COMMD10: variants seen among roughly 807,000 people sequenced by gnomAD.
COMMD10 encodes COMM domain-containing protein 10.
In COMMD10, 33 loss-of-function variants were observed where a neutral mutation model predicts 28.9. The observed-to-expected ratio is 1.14, with a 90% CI of 0.87 to 1.53. COMMD10 has a LOEUF of 1.53. Among genes scored for constraint, COMMD10 ranks in the 40% most tolerant of loss-of-function variants. The pLI is 0.00. For missense variants in COMMD10, 310 were observed against 233.4 expected (o/e 1.33, Z -2.14); for synonymous variants, 110 against 81.7 (o/e 1.35, Z -1.87).
chr5:116,259,214 C>T (rs901112407), intron 5 of COMMD10, among the ~76,000 whole-genome samples: 1 of 151,600 alleles, frequency 6.6e-6, no homozygotes, highest in African/African-American at 2.4e-5. Flanking sequence ...AGGTGCACGC[C>T]ACCATGCCTG....
intron 5 of COMMD10, among the ~76,000 whole-genome samples, chr5:116,261,312 G>C (rs1281095713): frequency 6.6e-6 from 1 of 151,650 alleles, no homozygotes; most frequent in Non-Finnish European, 1.5e-5. Context: ...AATTGTAGAT[G>C]TGACCGTTGC....
At chr5:116,153,778 A>T (rs971593326) in intron 5 of COMMD10, among the ~76,000 whole-genome samples, 5 of 152,072 alleles carry the variant, frequency 3.3e-5, no homozygotes, top group Admixed American at 6.6e-5. Flanking sequence ...TCTTGCTCTT[A>T]AACATTTTGT....
intron 5 of COMMD10, among the ~76,000 whole-genome samples, chr5:116,140,083 C>T (rs966097981): frequency 6.6e-6 from 1 of 151,576 alleles, no homozygotes; most frequent in Admixed American, 6.6e-5. Context: ...TTCTAATAGG[C>T]ATTTTTAAAA....
intron 5 of COMMD10, among the ~76,000 whole-genome samples, chr5:116,235,399 G>C (rs1206544138): frequency 6.6e-6 from 1 of 152,146 alleles, no homozygotes; most frequent in Non-Finnish European, 1.5e-5. Context: ...TTGAAAAGCT[G>C]TCATTTAAGC....
At chr5:116,190,088 A>G (rs867785419) in intron 5 of COMMD10, among the ~76,000 whole-genome samples, 1 of 152,278 alleles carries the variant, frequency 6.6e-6, no homozygotes, top group African/African-American at 2.4e-5. Context: ...GGATGAGTAT[A>G]TATCAGGGTA....
intron 5 of COMMD10, among the ~76,000 whole-genome samples, chr5:116,179,399 A>G (rs138365647): frequency 6.6e-6 from 1 of 152,264 alleles, no homozygotes. Flanking sequence ...GAACCAGACT[A>G]AGAACGCAGG....
chr5:116,187,045 TA>T (rs1451548328), intron 5 of COMMD10, among the ~76,000 whole-genome samples: 11 of 152,204 alleles, frequency 7.2e-5, no homozygotes, highest in African/African-American at 2.7e-4. Flanking sequence ...TATTGAGTAC[TA>T]CTCAGTGTAT....
At chr5:116,194,744 A>G (rs1748464745) in intron 5 of COMMD10, among the ~76,000 whole-genome samples, 1 of 152,252 alleles carries the variant, frequency 6.6e-6, no homozygotes, top group South Asian at 2.1e-4. Flanking sequence ...CCAGACATTC[A>G]AAGAATTGGT....
intron 5 of COMMD10, among the ~76,000 whole-genome samples, chr5:116,174,055 A>G (rs770699721): frequency 6.6e-6 from 1 of 152,136 alleles, no homozygotes; most frequent in African/African-American, 2.4e-5. Context: ...GAATAAGTGT[A>G]TACTCTATCA....
At chr5:116,196,508 TAAAAA>T (rs11455689) in intron 5 of COMMD10, among the ~76,000 whole-genome samples, 1 of 147,568 alleles carries the variant, frequency 6.8e-6, no homozygotes, top group Non-Finnish European at 1.5e-5. Flanking sequence ...ATAAATATGT[TAAAAA>T]AAAAAAGTAA....
At chr5:116,085,661 T>C (rs1375062643) in intron 1 of COMMD10, 2 of 152,314 alleles carry the variant, frequency 1.3e-5, no homozygotes, top group African/African-American at 2.4e-5. Context: ...TTTCTACTTA[T>C]GGTAGATAAA....
At chr5:116,238,724 C>A (rs1039299563) in intron 5 of COMMD10, among the ~76,000 whole-genome samples, 1 of 152,190 alleles carries the variant, frequency 6.6e-6, no homozygotes, top group Non-Finnish European at 1.5e-5. Context: ...ATCTCCAGCT[C>A]ATACTCCTTA....
intron 5 of COMMD10, among the ~76,000 whole-genome samples, chr5:116,217,685 G>A (rs1020268701): frequency 1.3e-5 from 2 of 152,166 alleles, no homozygotes; most frequent in Non-Finnish European, 1.5e-5. Context: ...GAAGGGAGAA[G>A]AGAGATAAAA....
chr5:116,285,748 T>A (rs1372912154), intron 5 of COMMD10, among the ~76,000 whole-genome samples: 1 of 152,092 alleles, frequency 6.6e-6, no homozygotes, highest in Admixed American at 6.5e-5. Context: ...ATAAACCCTT[T>A]AATGTGCTCT....
chr5:116,259,782 G>T (rs1244211213), intron 5 of COMMD10, among the ~76,000 whole-genome samples: 2 of 151,696 alleles, frequency 1.3e-5, no homozygotes, highest in African/African-American at 4.9e-5. Flanking sequence ...TAAATTGGCT[G>T]CTACCTTGTT....
intron 5 of COMMD10, among the ~76,000 whole-genome samples, chr5:116,177,416 A>T (rs1243796222): frequency 1.3e-5 from 2 of 151,986 alleles, no homozygotes; most frequent in Non-Finnish European, 2.9e-5. Context: ...GGACTGCATT[A>T]TTCTCCTAAT....
chr5:116,189,671 A>C (rs1034126582), intron 5 of COMMD10, among the ~76,000 whole-genome samples: 1 of 152,200 alleles, frequency 6.6e-6, no homozygotes. Flanking sequence ...TTTTATAGCC[A>C]CAGCTGCCAG....
intron 5 of COMMD10, among the ~76,000 whole-genome samples, chr5:116,145,244 A>G (rs1580486162): frequency 6.6e-6 from 1 of 151,826 alleles, no homozygotes; most frequent in African/African-American, 2.4e-5. Flanking sequence ...TATTTTTACT[A>G]TTACTACACA....
At chr5:116,112,617 A>G (rs916179485) in intron 4 of COMMD10, among the ~76,000 whole-genome samples, 5 of 152,086 alleles carry the variant, frequency 3.3e-5, no homozygotes, top group Non-Finnish European at 5.9e-5. Flanking sequence ...AATGTTCTCT[A>G]TCTCTTCACC....
Sources: gnomAD v4.1 joint callset for allele counts (sites outside exome capture counted in the v4.1 genomes callset) on GRCh38, gnomAD v4.1.1 for gene constraint, MANE v1.5 for transcripts, NCBI Gene and HGNC (gene_info 2026-07-23, HGNC 2026-07-21) for gene names.